The following ROBO2 variants were observed in gnomAD, a reference collection of about 807,000 sequenced individuals.
The protein encoded by ROBO2 is roundabout homolog 2.
ROBO2 carries 53 observed loss-of-function variants against 160.8 expected under a neutral mutation model. That is an observed-to-expected ratio of 0.33 (90% confidence interval 0.26 to 0.41). The LOEUF is 0.41. Ranked by LOEUF, ROBO2 falls within the 10% of genes least tolerant of loss-of-function variation. ROBO2 has a pLI of 1.00. For missense variants in ROBO2, 1,577 were observed against 1,722.4 expected, an observed-to-expected ratio of 0.92 and a Z score of 1.49; for synonymous variants, 664 against 611.7, an observed-to-expected ratio of 1.09 and a Z score of -1.26.
At chr3:75,992,213 A>G (rs1335912491) in intron 2 of ROBO2, among the ~76,000 whole-genome samples, 1 of 152,170 alleles carries the variant, frequency 6.6e-6, no homozygotes, top group Admixed American at 6.6e-5. Context: ...TCTAGGGCAT[A>G]TGAAAGGTCT....
At chr3:76,565,532 T>G (rs961269149) in intron 2 of ROBO2, among the ~76,000 whole-genome samples, 1 of 152,184 alleles carries the variant, frequency 6.6e-6, no homozygotes, top group Non-Finnish European at 1.5e-5. Flanking sequence ...GCACAAAATG[T>G]TTCCATTTTT....
intron 2 of ROBO2, among the ~76,000 whole-genome samples, chr3:76,288,518 G>C (rs548601116): frequency 2.6e-5 from 4 of 151,764 alleles, no homozygotes; most frequent in African/African-American, 9.7e-5. Context: ...TAGGTTCAGG[G>C]GATACATGTG....
At chr3:77,088,049 G>C (rs898345640) in intron 1 of ROBO2, among the ~76,000 whole-genome samples, 2 of 152,242 alleles carry the variant, frequency 1.3e-5, no homozygotes, top group African/African-American at 2.4e-5. Context: ...CAGACAGTCA[G>C]TGGCTCAATT....
intron 2 of ROBO2, among the ~76,000 whole-genome samples, chr3:75,995,731 A>G (rs9818095): frequency 0.89 from 135,357 of 152,140 alleles, 61,898 homozygotes; most frequent in East Asian, 1. Context: ...GCCAGCCCAC[A>G]AAAGCAGTTG....
chr3:77,240,379 G>A (rs542383899), intron 2 of ROBO2, among the ~76,000 whole-genome samples: 493 of 152,250 alleles, frequency 3.2e-3, no homozygotes, highest in Non-Finnish European at 4.4e-3. Flanking sequence ...CGCCCGCTCC[G>A]AGTGGGCCCG....
chr3:76,072,398 A>G (rs952831796), intron 2 of ROBO2, among the ~76,000 whole-genome samples: 1 of 152,154 alleles, frequency 6.6e-6, no homozygotes, highest in Non-Finnish European at 1.5e-5. Context: ...CCAATGCTAT[A>G]TATTTCTTAG....
intron 2 of ROBO2, among the ~76,000 whole-genome samples, chr3:75,954,338 G>T (rs1267172288): frequency 3.3e-5 from 5 of 151,828 alleles, no homozygotes; most frequent in Admixed American, 2.0e-4. Context: ...CCAGCCAAGG[G>T]TGGGAAATAG....
Position 76,934,958 on chromosome 3 carries a change from A to ATTTTTTTTTTT in ROBO2, c.110-163056_110-163055insTTTTTTTTTTT, listed in dbSNP as rs151316771. 4.6e-4 allele frequency among the ~76,000 whole-genome samples: 67 copies of ATTTTTTTTTTT among 146,798 alleles called. 4 individuals are homozygous for ATTTTTTTTTTT. Among genetic ancestry groups the ATTTTTTTTTTT allele is most frequent in the South Asian group, 1.5e-3 (7 of 4,618 alleles). On this transcript the variant is annotated intron_variant, in intron 2 of 26. Coordinates refer to the ROBO2 transcript ENST00000487694. The stretch of plus-strand genomic sequence containing the variant: ...TTTTGAAATAATTTCAGGCTTCACA[A>ATTTTTTTTTTT]ATTTTTTTTTTTTTAGACCATCTCA...
chr3:77,429,707 C>T (rs1425985975), intron 2 of ROBO2, among the ~76,000 whole-genome samples: 2 of 150,800 alleles, frequency 1.3e-5, no homozygotes, highest in African/African-American at 2.4e-5. Context: ...TTGAAAAACA[C>T]GGTTGTGATC....
chr3:77,022,734 C>T (rs1037971678), intron 2 of ROBO2, among the ~76,000 whole-genome samples: 13 of 152,102 alleles, frequency 8.5e-5, no homozygotes, highest in African/African-American at 2.4e-4. Flanking sequence ...GATATCACAC[C>T]TTTCTGTTCC....
chr3:77,010,496 A>T (rs2061820518), intron 2 of ROBO2, among the ~76,000 whole-genome samples: 1 of 152,160 alleles, frequency 6.6e-6, no homozygotes, highest in African/African-American at 2.4e-5. Flanking sequence ...ACATGTGACC[A>T]GGCTAGATCT....
At chr3:77,021,501 C>T (rs545519938) in intron 2 of ROBO2, among the ~76,000 whole-genome samples, 1 of 152,294 alleles carries the variant, frequency 6.6e-6, no homozygotes, top group Admixed American at 6.5e-5. Context: ...ATTATCTGAC[C>T]TACCTTGTCT....
At chr3:76,223,067 T>C (rs907114161) in intron 2 of ROBO2, among the ~76,000 whole-genome samples, 3 of 151,710 alleles carry the variant, frequency 2.0e-5, no homozygotes, top group Non-Finnish European at 4.4e-5. Flanking sequence ...TATCCCACAG[T>C]CTTAATATCC....
intron 2 of ROBO2, among the ~76,000 whole-genome samples, chr3:76,241,817 G>A (rs764050605): frequency 3.6e-4 from 55 of 152,252 alleles, no homozygotes; most frequent in South Asian, 6.2e-4. Flanking sequence ...CTGAATGATA[G>A]GAAATGTAAT....
intron 2 of ROBO2, among the ~76,000 whole-genome samples, chr3:77,142,361 G>A (rs181623301): frequency 4.0e-4 from 61 of 152,234 alleles, no homozygotes; most frequent in African/African-American, 1.3e-3. Context: ...TGTTTATTAC[G>A]TATTTAAAGG....
At chr3:76,658,043 G>A (rs1246260649) in intron 2 of ROBO2, among the ~76,000 whole-genome samples, 2 of 141,878 alleles carry the variant, frequency 1.4e-5, no homozygotes, top group African/African-American at 2.6e-5. Context: ...CTCCAGCTTG[G>A]GTGACAGAGC....
At chr3:77,227,194 C>A (rs945977782) in intron 2 of ROBO2, among the ~76,000 whole-genome samples, 1 of 151,756 alleles carries the variant, frequency 6.6e-6, no homozygotes, top group African/African-American at 2.4e-5. Context: ...TTAACTACCT[C>A]AAAATATAAG....
chr3:77,039,653 T>A (rs2063875447), upstream of ROBO2, among the ~76,000 whole-genome samples: 1 of 152,078 alleles, frequency 6.6e-6, no homozygotes, highest in South Asian at 2.1e-4. Flanking sequence ...CCCCGGGGAC[T>A]CTCGGCTCTC....
chr3:76,410,814 C>A (rs1037064645), intron 2 of ROBO2, among the ~76,000 whole-genome samples: 2 of 152,052 alleles, frequency 1.3e-5, no homozygotes, highest in Admixed American at 6.6e-5. Flanking sequence ...CACTCTGTAA[C>A]CACTTGTAAT....
Sources: gnomAD v4.1 joint callset for allele counts (sites outside exome capture counted in the v4.1 genomes callset) on GRCh38, gnomAD v4.1.1 for gene constraint, MANE v1.5 for transcripts, NCBI Gene and HGNC (gene_info 2026-07-23, HGNC 2026-07-21) for gene names.